The following IFNG-AS1 variants were observed in gnomAD, a reference collection of about 807,000 sequenced individuals.
IFNG-AS1 encodes IFNG antisense RNA 1 (non-protein coding).
At chr12:67,990,824 C>T (rs911630307) in intron 1 of IFNG-AS1, among the ~76,000 whole-genome samples, 1 of 152,064 alleles carries the variant, frequency 6.6e-6, no homozygotes, top group African/African-American at 2.4e-5. Context: ...AAACTCCTGA[C>T]CTCGTGATCC....
At chr12:68,001,195 T>C (rs1275433581) in intron 2 of IFNG-AS1, among the ~76,000 whole-genome samples, 1 of 152,220 alleles carries the variant, frequency 6.6e-6, no homozygotes, top group Non-Finnish European at 1.5e-5. Flanking sequence ...AATGCTGTCT[T>C]AACTTTTTTT....
chr12:68,015,390 G>T (rs1565692527), intron 3 of IFNG-AS1, among the ~76,000 whole-genome samples: 1 of 152,182 alleles, frequency 6.6e-6, no homozygotes. Flanking sequence ...GCCGAGACAA[G>T]ATCCCAGGAC....
intron 3 of IFNG-AS1, among the ~76,000 whole-genome samples, chr12:68,016,238 G>A (rs572914125): frequency 1.3e-4 from 20 of 152,190 alleles, no homozygotes; most frequent in African/African-American, 2.6e-4. Flanking sequence ...GATGCATACC[G>A]TGGAGTCATG....
At chr12:68,002,390 G>A (rs1441021711) in intron 2 of IFNG-AS1, among the ~76,000 whole-genome samples, 1 of 152,176 alleles carries the variant, frequency 6.6e-6, no homozygotes, top group Non-Finnish European at 1.5e-5. Context: ...GGCTCTCAGA[G>A]TCAGATAATT....
At chr12:67,990,010 C>T (rs1325595758) in intron 1 of IFNG-AS1, among the ~76,000 whole-genome samples, 2 of 152,146 alleles carry the variant, frequency 1.3e-5, no homozygotes, top group African/African-American at 2.4e-5. Flanking sequence ...GGGCGCCGTA[C>T]TCAGTTTTAA....
In IFNG-AS1 at chr12:68,017,584, T is replaced by C. The variant is rs150845507; in HGVS notation, n.242-2278T>C. On this transcript the variant is annotated intron_variant and non_coding_transcript_variant, in intron 3 of 5. Transcript: ENST00000536914. ...GTGCCAGGAATTACTCTCAGGGCTG[T>C]TTTGAACAATGAGCCATTTACCATT... 7.9e-5 allele frequency among the ~76,000 whole-genome samples: 12 copies of C among 152,294 alleles called. No individual in the cohort carries two copies. The East Asian group carries it at 1.5e-3, about 20-fold the overall frequency.
intron 3 of IFNG-AS1, chr12:68,006,180 T>C (rs924433360): frequency 6.6e-6 from 1 of 152,176 alleles, no homozygotes; most frequent in Non-Finnish European, 1.5e-5. Flanking sequence ...TGTCACACAC[T>C]AAGGAATTTG....
chr12:68,014,587 ATCT>A (rs1345322007), intron 3 of IFNG-AS1, among the ~76,000 whole-genome samples: 3 of 152,152 alleles, frequency 2.0e-5, no homozygotes, highest in Non-Finnish European at 1.5e-5. Context: ...CCATTTGTAT[ATCT>A]TCTTTTGAGA....
intron 3 of IFNG-AS1, among the ~76,000 whole-genome samples, chr12:68,012,280 T>C (rs1036138319): frequency 6.6e-6 from 1 of 152,182 alleles, no homozygotes; most frequent in African/African-American, 2.4e-5. Context: ...ACTGGAGAGA[T>C]GAGTTTGCAA....
intron 3 of IFNG-AS1, among the ~76,000 whole-genome samples, chr12:68,015,493 A>G (rs1329949924): frequency 6.6e-6 from 1 of 152,120 alleles, no homozygotes; most frequent in Non-Finnish European, 1.5e-5. Flanking sequence ...ATCTCCTCAT[A>G]TGTGCTACTT....
intron 2 of IFNG-AS1, among the ~76,000 whole-genome samples, chr12:68,004,862 A>C (rs759192318): frequency 6.0e-4 from 91 of 152,234 alleles, no homozygotes; most frequent in Admixed American, 1.2e-3. Flanking sequence ...AGCGGGATGC[A>C]TATACTAAAA....
chr12:67,991,259 A>G (rs1879504766), intron 1 of IFNG-AS1, among the ~76,000 whole-genome samples: 1 of 152,250 alleles, frequency 6.6e-6, no homozygotes, highest in Admixed American at 6.5e-5. Flanking sequence ...TTTTAAGAAG[A>G]TCTGAAATAA....
intron 2 of IFNG-AS1, among the ~76,000 whole-genome samples, chr12:67,999,301 C>T (rs574354269): frequency 2.0e-5 from 3 of 152,188 alleles, no homozygotes; most frequent in South Asian, 2.1e-4. Context: ...AAAGTAATGA[C>T]ACCAGTAGCA....
intron 2 of IFNG-AS1, among the ~76,000 whole-genome samples, chr12:68,005,593 G>A (rs1412789222): frequency 6.6e-6 from 1 of 152,154 alleles, no homozygotes; most frequent in African/African-American, 2.4e-5. Context: ...CCTAAGAACA[G>A]ACCACAATTA....
intron 3 of IFNG-AS1, chr12:68,013,555 G>A (rs758362152): frequency 5.9e-5 from 9 of 152,160 alleles, no homozygotes; most frequent in Non-Finnish European, 8.8e-5. Context: ...AACACTAAGT[G>A]GGATGGTTAA....
At chr12:67,990,909 T>G (rs1879495406) in intron 1 of IFNG-AS1, among the ~76,000 whole-genome samples, 1 of 152,182 alleles carries the variant, frequency 6.6e-6, no homozygotes, top group Admixed American at 6.5e-5. Context: ...TTTTTAACTT[T>G]AAACTCTGTT....
intron 3 of IFNG-AS1, among the ~76,000 whole-genome samples, chr12:68,013,833 T>G (rs1371156630): frequency 6.6e-6 from 1 of 152,156 alleles, no homozygotes; most frequent in Non-Finnish European, 1.5e-5. Flanking sequence ...CAGGTGGTGT[T>G]TGGTTACATG....
At chr12:67,999,795 T>C (rs976014587) in intron 2 of IFNG-AS1, among the ~76,000 whole-genome samples, 1 of 152,250 alleles carries the variant, frequency 6.6e-6, no homozygotes, top group South Asian at 2.1e-4. Flanking sequence ...AGTCCTAAAG[T>C]CTCTCTCTAC....
chr12:68,008,586 T>A (rs530695986), intron 3 of IFNG-AS1, among the ~76,000 whole-genome samples: 2 of 152,216 alleles, frequency 1.3e-5, no homozygotes, highest in South Asian at 4.1e-4. Context: ...CAATAGAAAT[T>A]AATTTCTTGT....
Sources: gnomAD v4.1 joint callset for allele counts (sites outside exome capture counted in the v4.1 genomes callset) on GRCh38, gnomAD v4.1.1 for gene constraint, MANE v1.5 for transcripts, NCBI Gene and HGNC (gene_info 2026-07-23, HGNC 2026-07-21) for gene names.